F2: variants seen among roughly 807,000 people sequenced by gnomAD.
F2 encodes coagulation factor II, thrombin.
F2 carries 34 observed loss-of-function variants against 81.9 expected under a neutral mutation model. The observed-to-expected ratio is 0.42, with a 90% CI of 0.32 to 0.55. F2 has a LOEUF of 0.55. Among genes scored for constraint, F2 ranks in the 20% least tolerant of loss-of-function variants. F2 has a pLI of 0.18. For missense variants in F2, 630 were observed against 833.4 expected (o/e 0.76, Z 3.00); for synonymous variants, 296 against 326.4 (o/e 0.91, Z 1.01).
chr11:46,729,691 T>C lies in F2; in HGVS notation c.1654+130T>C, dbSNP rs2064898878. On this transcript the variant is annotated intron_variant, in intron 12 of 13. Transcript: ENST00000311907. ...CTTGGTGGCTCAGTTTCTTCCTCTGTAAAATGGAGGTAAAAGTCTCTATCC... is the reference window on the plus strand; with the variant it reads ...CTTGGTGGCTCAGTTTCTTCCTCTGCAAAATGGAGGTAAAAGTCTCTATCC... 5.0e-6 allele frequency: 5 copies of C among 1,001,256 alleles called. No homozygotes were observed. The East Asian group carries it at 1.3e-4, about 25-fold the overall frequency. 62.0% of individuals were successfully genotyped at this position (1,001,256 alleles called of 1,614,324 possible).
chr11:46,719,619 G>C lies in F2; in HGVS notation c.80-83G>C. The C allele has an allele frequency of 1.3e-6, 2 of 1,515,526 alleles. No individual in the cohort carries two copies. Among genetic ancestry groups the C allele is most frequent in the East Asian group, 4.9e-5 (2 of 40,714 alleles). The allele number at this position is 1,515,526 out of a possible 1,614,324, so 93.9% of individuals were successfully genotyped here. ...CTCTCTCAGAAGCCAGCAGGGGAGGGTGGGCTTGCTTCATGCCCCCAGAAT... is the reference window on the plus strand; with the variant it reads ...CTCTCTCAGAAGCCAGCAGGGGAGGCTGGGCTTGCTTCATGCCCCCAGAAT... On this transcript the variant is annotated intron_variant, in intron 1 of 13. Transcript: ENST00000311907. The surrounding 1 kb of genome is among the most constrained non-coding windows in gnomAD (Gnocchi z 4.7).
Position 46,723,338 on chromosome 11 carries a change from A to T in F2, c.423-44A>T. ...TGGGCTGAGAACAGGGAGCAAGCGTACCTCAAGCCCAACAGCCTCCTGTTG... is the reference window on the plus strand; with the variant it reads ...TGGGCTGAGAACAGGGAGCAAGCGTTCCTCAAGCCCAACAGCCTCCTGTTG... On this transcript the variant is annotated intron_variant, in intron 5 of 13. Coordinates refer to ENST00000311907, the MANE Select transcript of F2 (RefSeq NM_000506.5). The surrounding 1 kb of genome is among the most constrained non-coding windows in gnomAD (Gnocchi z 5.6). The T allele has an allele frequency of 6.2e-7, 1 of 1,613,372 alleles. No homozygotes were observed. Among genetic ancestry groups the T allele is most frequent in the South Asian group, 1.1e-5 (1 of 91,056 alleles).
At chr11:46,732,145 A>AC (rs940642381) in intron 12 of F2, among the ~76,000 whole-genome samples, 2 of 151,682 alleles carry the variant, frequency 1.3e-5, no homozygotes, top group African/African-American at 4.8e-5. Flanking sequence ...CGAACTCCTG[A>AC]CCTTGTGATC....
intron 12 of F2, among the ~76,000 whole-genome samples, chr11:46,738,787 T>C (rs894764580): frequency 2.0e-5 from 3 of 152,176 alleles, no homozygotes; most frequent in African/African-American, 7.2e-5. Context: ...GGGTGGAGAA[T>C]AGACTGTAGG....
At chr11:46,720,244 C>G (rs925812378) in intron 2 of F2, 14 of 565,540 alleles carry the variant, frequency 2.5e-5, no homozygotes, top group Non-Finnish European at 4.4e-5. Context: ...TCTGTGTCGC[C>G]TTTCCTGTCT....
rs540293890 is a variant in F2 at position 46,737,988 on chromosome 11, C to T, written c.1655-1060C>T. Among the ~76,000 whole-genome samples, 3 of 152,062 alleles carry T rather than the reference C, an allele frequency of 2.0e-5. No homozygotes were observed. In the South Asian group the frequency reaches 6.2e-4, roughly 32 times the overall value. ...CGTAGCTAGGATCAGAGGTACATGC[C>T]ACCATGTCCGGCTAATTTTTTTTTT... On this transcript the variant is annotated intron_variant, in intron 12 of 13. Transcript: ENST00000311907.
In F2 at chr11:46,726,857, G is replaced by A. The variant is rs756000752; in HGVS notation, c.1130+20G>A. 91 of 1,613,132 alleles carry A rather than the reference G, an allele frequency of 5.6e-5. No homozygotes were observed. Among genetic ancestry groups the A allele is most frequent in the South Asian group, 2.4e-4 (22 of 91,078 alleles). On this transcript the variant is annotated intron_variant, in intron 9 of 13. Coordinates refer to ENST00000311907, the MANE Select transcript of F2 (RefSeq NM_000506.5). This position sits in a 1 kb window ranked among gnomAD's most constrained non-coding sequence, Gnocchi z 5.9. ...ACCTTGGTGTGTCCTGGAGCCCTGCGCTACCATTCACTCCTGGGGGCAGGT... is the reference window on the plus strand; with the variant it reads ...ACCTTGGTGTGTCCTGGAGCCCTGCACTACCATTCACTCCTGGGGGCAGGT...
intron 12 of F2, among the ~76,000 whole-genome samples, chr11:46,733,626 A>G (rs926736467): frequency 2.0e-5 from 3 of 152,142 alleles, no homozygotes; most frequent in African/African-American, 7.2e-5. Context: ...ATCACAGTGT[A>G]TGAGAATGCC....
chr11:46,725,698 T>C (rs1300481817), intron 6 of F2, among the ~76,000 whole-genome samples, 161 bp from the exon 7 acceptor site: 1 of 152,194 alleles, frequency 6.6e-6, no homozygotes, highest in Non-Finnish European at 1.5e-5. Flanking sequence ...AAAAGTGGCA[T>C]TAGTAACCCC....
At chr11:46,725,361 G>A (rs1016553337) in intron 6 of F2, among the ~76,000 whole-genome samples, 5 of 152,170 alleles carry the variant, frequency 3.3e-5, no homozygotes, top group Non-Finnish European at 7.4e-5. Context: ...AAGCCACTGC[G>A]CCTGGCCCCT....
chr11:46,732,661 G>A (rs2064920642), intron 12 of F2, among the ~76,000 whole-genome samples: 1 of 152,090 alleles, frequency 6.6e-6, no homozygotes, highest in African/African-American at 2.4e-5. Context: ...AGCCTTCCAA[G>A]GTTCTGGGAT....
intron 9 of F2, among the ~76,000 whole-genome samples, chr11:46,727,439 G>A (rs767321411): frequency 6.6e-6 from 1 of 152,156 alleles, no homozygotes; most frequent in Non-Finnish European, 1.5e-5. Context: ...GCTGTGCTAC[G>A]CTATGTGAAC....
chr11:46,726,657 G>A lies in F2; in HGVS notation c.1003+31G>A, dbSNP rs2064876123. On this transcript the variant is annotated intron_variant, in intron 8 of 13. Coordinates refer to ENST00000311907, the MANE Select transcript of F2 (RefSeq NM_000506.5). The surrounding 1 kb of genome is among the most constrained non-coding windows in gnomAD (Gnocchi z 5.9). ...GTAGTGGGCATCCGAGGGGATGCGG[G>A]GCTGCGGGGCTGGTGGCCAGGACTT... The A allele has an allele frequency of 6.2e-7, 1 of 1,613,662 alleles. No individual in the cohort carries two copies. The highest frequency in any genetic ancestry group is 8.5e-7 in the Non-Finnish European group (1 of 1,179,550).
intron 3 of F2, 34 bp from the exon 4 acceptor site, chr11:46,720,756 C>A: frequency 6.2e-7 from 1 of 1,613,220 alleles, no homozygotes; most frequent in Non-Finnish European, 8.5e-7. Context: ...GGCCATACCC[C>A]AATCCCAAAG....
chr11:46,721,810 G>A (rs976549108), intron 4 of F2, among the ~76,000 whole-genome samples: 1 of 151,406 alleles, frequency 6.6e-6, no homozygotes, highest in Non-Finnish European at 1.5e-5. Context: ...GATTATAAGT[G>A]TGAGCCACCA....
intron 12 of F2, among the ~76,000 whole-genome samples, chr11:46,736,958 A>G (rs1370999722): frequency 2.0e-5 from 3 of 152,062 alleles, no homozygotes; most frequent in Non-Finnish European, 4.4e-5. Flanking sequence ...ACGTTTTCCT[A>G]TTTGCTCAAG....
intron 4 of F2, among the ~76,000 whole-genome samples, chr11:46,721,231 A>G (rs1324842025): frequency 1.3e-5 from 2 of 152,004 alleles, no homozygotes; most frequent in Non-Finnish European, 2.9e-5. Flanking sequence ...TTTAGTAGAG[A>G]CGGGGTTTCA....
rs1011175847 is a variant in F2 at position 46,726,415 on chromosome 11, G to A, written c.875-83G>A. 63 of 1,562,694 alleles carry A rather than the reference G, an allele frequency of 4.0e-5. No individual in the cohort carries two copies. Among genetic ancestry groups the A allele is most frequent in the Non-Finnish European group, 5.4e-5 (62 of 1,154,438 alleles). On this transcript the variant is annotated intron_variant, in intron 7 of 13. Coordinates refer to ENST00000311907, the MANE Select transcript of F2 (RefSeq NM_000506.5). This position sits in a 1 kb window ranked among gnomAD's most constrained non-coding sequence, Gnocchi z 5.9. ...AACCTCTGCACCAAATGGCCTCCAA[G>A]GCCCGTAGGGGAATTGGGGGGATCT... is the stretch of plus-strand genomic sequence containing the variant.
At chr11:46,738,475 CATTA>C (rs1187916676) in intron 12 of F2, among the ~76,000 whole-genome samples, 8 of 151,386 alleles carry the variant, frequency 5.3e-5, no homozygotes, top group South Asian at 2.1e-4. Context: ...GGTCTTTTAT[CATTA>C]ATTAATTTTT....
Sources: gnomAD v4.1 joint callset for allele counts (sites outside exome capture counted in the v4.1 genomes callset) on GRCh38, gnomAD v4.1.1 for gene constraint, Gnocchi (gnomAD v3.1) non-coding constraint, MANE v1.5 for transcripts, NCBI Gene and HGNC (gene_info 2026-07-23, HGNC 2026-07-21) for gene names.